TTC21B: variants seen among roughly 807,000 people sequenced by gnomAD.
The protein encoded by TTC21B is tetratricopeptide repeat domain 21B.
In TTC21B, 127 loss-of-function variants were observed where a neutral mutation model predicts 175.1. The ratio of observed to expected loss-of-function variants is 0.73; its 90% CI spans 0.63 to 0.84. TTC21B has a LOEUF of 0.84. TTC21B is among the 40% of genes least tolerant of loss of function. The probability of loss-of-function intolerance (pLI) is 0.00; values close to 1 mark genes in which losing one functional copy is unlikely to be tolerated. For synonymous variants in TTC21B, 524 were observed against 524.5 expected (o/e 1.00, Z 0.01); for missense variants, 1,561 against 1,558.3 (o/e 1.00, Z -0.03).
chr2:165,926,367 C>T (rs1019846888), intron 11 of TTC21B, among the ~76,000 whole-genome samples: 1 of 152,066 alleles, frequency 6.6e-6, no homozygotes, highest in African/African-American at 2.4e-5. Flanking sequence ...CCCCATTGTA[C>T]CCCATTGTAC....
At chr2:165,900,336 T>C (rs1685517548) in intron 20 of TTC21B, among the ~76,000 whole-genome samples, 1 of 152,216 alleles carries the variant, frequency 6.6e-6, no homozygotes, top group Middle Eastern at 3.2e-3. Flanking sequence ...TGGTTATGCC[T>C]TGCTAAAGGT....
intron 22 of TTC21B, among the ~76,000 whole-genome samples, chr2:165,894,118 G>A (rs549853948): frequency 6.6e-5 from 10 of 152,072 alleles, no homozygotes; most frequent in Non-Finnish European, 1.0e-4. Flanking sequence ...AGGTGATAAG[G>A]GTCTTCATTA....
At chr2:165,885,943 C>T (rs1426994539) in intron 25 of TTC21B, among the ~76,000 whole-genome samples, 2 of 152,178 alleles carry the variant, frequency 1.3e-5, no homozygotes, top group Non-Finnish European at 2.9e-5. Flanking sequence ...TTATAAACAT[C>T]TCATCTTTAT....
chr2:165,895,076 G>T (rs943111974), intron 22 of TTC21B, among the ~76,000 whole-genome samples: 1 of 151,846 alleles, frequency 6.6e-6, no homozygotes, highest in Non-Finnish European at 1.5e-5. Flanking sequence ...GTAGTGGGAT[G>T]CAGATTTACT....
At chr2:165,896,156 T>C (rs1477098950) in intron 22 of TTC21B, among the ~76,000 whole-genome samples, 2 of 124,072 alleles carry the variant, frequency 1.6e-5, no homozygotes, top group Non-Finnish European at 3.6e-5. Context: ...CAGCCTGAGA[T>C]GAAGGTGGTG....
At chr2:165,926,931 G>C (rs1159226115) in intron 11 of TTC21B, among the ~76,000 whole-genome samples, 1 of 144,574 alleles carries the variant, frequency 6.9e-6, no homozygotes, top group Non-Finnish European at 1.5e-5. Flanking sequence ...CTGTGATCGT[G>C]TGAGTTAATA....
chr2:165,949,470 A>G lies in TTC21B; in HGVS notation c.186T>C (p.Ala62=), dbSNP rs1422870235. The change falls in exon 3 of 29, where the codon GCT becomes GCC. Residue 62 remains alanine (A), a synonymous_variant. Coordinates refer to ENST00000243344, the MANE Select transcript of TTC21B (RefSeq NM_024753.5). The part of the protein sequence containing the change: ...KTQEALREFE[A]IKNKQDVSLC... Reference sequence around the variant, plus strand: ...GTGATACATCTTGTTTATTTTTAATAGCCTCAAATTCTCGAAGAGCTTCTT... The same window carrying G: ...GTGATACATCTTGTTTATTTTTAATGGCCTCAAATTCTCGAAGAGCTTCTT... 1 of 1,613,788 alleles carries G rather than the reference A, an allele frequency of 6.2e-7. No individual in the cohort carries two copies. The highest frequency in any genetic ancestry group is 2.2e-5 in the East Asian group (1 of 44,804).
At chr2:165,946,658 C>T (rs749459139) in intron 3 of TTC21B, among the ~76,000 whole-genome samples, 6 of 151,942 alleles carry the variant, frequency 3.9e-5, no homozygotes, top group East Asian at 2.0e-4. Context: ...GCCAACATGG[C>T]GAAACTCCAT....
At chr2:165,919,828 T>A (rs1028603011) in intron 12 of TTC21B, among the ~76,000 whole-genome samples, 10 of 152,210 alleles carry the variant, frequency 6.6e-5, no homozygotes, top group Admixed American at 6.5e-4. Context: ...GTGTCACTTA[T>A]GTTAACAAAG....
intron 12 of TTC21B, among the ~76,000 whole-genome samples, chr2:165,921,827 CT>C (rs1009653293): frequency 2.4e-5 from 3 of 124,276 alleles, no homozygotes; most frequent in Admixed American, 7.9e-5. Flanking sequence ...TTTTCTTAAT[CT>C]TTTTTTTTAT....
At chr2:165,940,190 C>A (rs1229921502) in intron 6 of TTC21B, among the ~76,000 whole-genome samples, 1 of 152,176 alleles carries the variant, frequency 6.6e-6, no homozygotes, top group Non-Finnish European at 1.5e-5. Flanking sequence ...ACTTCCACCA[C>A]AACTATACTG....
intron 15 of TTC21B, among the ~76,000 whole-genome samples, chr2:165,914,878 A>G (rs1316066780): frequency 6.6e-6 from 1 of 152,114 alleles, no homozygotes; most frequent in Non-Finnish European, 1.5e-5. Context: ...TTATTGTTAT[A>G]TTACATGATG....
At chr2:165,880,625 T>G (rs896794901) in intron 27 of TTC21B, 54 bp downstream of exon 27, 2 of 1,595,752 alleles carry the variant, frequency 1.3e-6, no homozygotes, top group African/African-American at 1.3e-5. Context: ...AAATGAAAAT[T>G]AATAAATACA....
intron 22 of TTC21B, among the ~76,000 whole-genome samples, chr2:165,897,901 T>C (rs1416942817): frequency 2.0e-5 from 3 of 152,182 alleles, no homozygotes; most frequent in African/African-American, 7.2e-5. Context: ...CCAAATATGA[T>C]GACAGGTCAA....
chr2:165,874,726 T>C lies in TTC21B; in HGVS notation c.*29A>G, dbSNP rs764592144. ...AAAGTTAGATTTCTTTCATTTCCTG[T>C]TAAACCAACACCTAAGTTAAAATTA... is the stretch of plus-strand genomic sequence containing the variant. On this transcript the variant is annotated 3_prime_UTR_variant, in exon 29 of 29. Coordinates refer to ENST00000243344, the MANE Select transcript of TTC21B (RefSeq NM_024753.5). 2.1e-5 allele frequency: 33 copies of C among 1,595,706 alleles called. No individual in the cohort carries two copies. The highest frequency in any genetic ancestry group is 2.8e-5 in the Non-Finnish European group (32 of 1,163,518).
chr2:165,945,968 G>C (rs1687544908), intron 3 of TTC21B, among the ~76,000 whole-genome samples: 1 of 152,086 alleles, frequency 6.6e-6, no homozygotes, highest in South Asian at 2.1e-4. Context: ...GAGATATTTT[G>C]CATGCTCTTT....
Position 165,895,004 on chromosome 2 carries a change from A to G in TTC21B, c.2950+3682T>C, listed in dbSNP as rs373142637. Among the ~76,000 whole-genome samples, 13 of 152,234 alleles carry G rather than the reference A, an allele frequency of 8.5e-5. No homozygotes were observed. In the South Asian group the frequency reaches 2.5e-3, roughly 29 times the overall value. ...CAGGAAAACCCTTTGCTCCGAGGCA[A>G]ATCTAGGATGGTTGGTCATGCTACC... On this transcript the variant is annotated intron_variant, in intron 22 of 28. Coordinates refer to ENST00000243344, the MANE Select transcript of TTC21B (RefSeq NM_024753.5).
At chr2:165,910,949 T>C (rs965642030) in intron 18 of TTC21B, among the ~76,000 whole-genome samples, 3 of 152,100 alleles carry the variant, frequency 2.0e-5, no homozygotes, top group Non-Finnish European at 4.4e-5. Flanking sequence ...ATGGAATTCA[T>C]AGGAGAAACA....
In TTC21B at chr2:165,929,735, C is replaced by A; in HGVS notation, c.1100G>T (p.Cys367Phe). 6.2e-7 allele frequency: 1 copy of A among 1,611,038 alleles called. No individual in the cohort carries two copies. Among genetic ancestry groups the A allele is most frequent in the Non-Finnish European group, 8.5e-7 (1 of 1,178,124 alleles). The change falls in exon 10 of 29, where the codon TGT becomes TTT. Residue 367 changes from cysteine to phenylalanine, a missense_variant. Coordinates refer to ENST00000243344, the MANE Select transcript of TTC21B (RefSeq NM_024753.5). ...CTGTAATTGCCCTTCTATCAACTGA[C>A]ATTGGATAAATCCTAAAATCAAACA... ...SVSALVGFIQ[C>F]QLIEGQLQDA...
Sources: allele counts gnomAD v4.1 joint callset (sites outside exome capture counted in the v4.1 genomes callset), GRCh38; gene constraint gnomAD v4.1.1; transcripts MANE v1.5; gene names NCBI Gene and HGNC (gene_info 2026-07-23, HGNC 2026-07-21).